Variants in EBF2 observed in about 807,000 individuals in gnomAD.
EBF2 encodes EBF transcription factor 2.
In EBF2, 21 loss-of-function variants were observed where a neutral mutation model predicts 72.8. The ratio of observed to expected loss-of-function variants is 0.29; its 90% confidence interval spans 0.20 to 0.42. The LOEUF is 0.42. Ranked by LOEUF, EBF2 falls within the 10% of genes least tolerant of loss-of-function variation. The pLI is 1.00. For missense variants in EBF2, 637 were observed against 731.2 expected (o/e 0.87, Z 1.49); for synonymous variants, 299 against 274.2 (o/e 1.09, Z -0.89).
intron 6 of EBF2, among the ~76,000 whole-genome samples, chr8:25,975,654 T>A (rs1436763832): frequency 1.3e-5 from 2 of 152,102 alleles, no homozygotes; most frequent in African/African-American, 2.4e-5. Flanking sequence ...ATTCTAAGAG[T>A]CTTTCATCTT....
At chr8:25,960,022 G>A (rs559293108) in intron 6 of EBF2, among the ~76,000 whole-genome samples, 11 of 152,224 alleles carry the variant, frequency 7.2e-5, no homozygotes, top group Admixed American at 3.9e-4. Flanking sequence ...GGTTCTGGTC[G>A]GGTGAACTTT....
intron 6 of EBF2, among the ~76,000 whole-genome samples, chr8:25,961,459 G>T (rs889603241): frequency 4.6e-5 from 7 of 152,094 alleles, no homozygotes; most frequent in Admixed American, 2.6e-4. Flanking sequence ...TGCCTCCCAA[G>T]TTCAAGCAAT....
chr8:26,034,174 C>T (rs1365184077), intron 5 of EBF2, among the ~76,000 whole-genome samples: 1 of 152,206 alleles, frequency 6.6e-6, no homozygotes, highest in Non-Finnish European at 1.5e-5. Context: ...ACTTTATAAA[C>T]ATTTATTCAT....
At chr8:25,939,737 C>G (rs755662098) in intron 6 of EBF2, among the ~76,000 whole-genome samples, 1 of 152,156 alleles carries the variant, frequency 6.6e-6, no homozygotes, top group Admixed American at 6.5e-5. Context: ...TTCTCCTTAT[C>G]TGTGAATCAG....
chr8:26,030,848 T>C (rs1318939133), intron 6 of EBF2, among the ~76,000 whole-genome samples: 2 of 152,232 alleles, frequency 1.3e-5, no homozygotes, highest in African/African-American at 4.8e-5. Flanking sequence ...CTCAGAAGAA[T>C]TTAAAGCATG....
intron 6 of EBF2, among the ~76,000 whole-genome samples, chr8:25,954,350 G>A (rs1452193954): frequency 6.6e-6 from 1 of 152,154 alleles, no homozygotes; most frequent in Non-Finnish European, 1.5e-5. Flanking sequence ...AGTCTGGAGA[G>A]CCACAGGGCA....
At chr8:25,904,665 A>G (rs1046406305) in intron 7 of EBF2, among the ~76,000 whole-genome samples, 25 of 152,174 alleles carry the variant, frequency 1.6e-4, no homozygotes, top group African/African-American at 5.3e-4. Flanking sequence ...GAAAGTCACC[A>G]TCCATTCAGA....
chr8:26,031,589 C>T (rs1448309305), intron 6 of EBF2: 1 of 152,040 alleles, frequency 6.6e-6, no homozygotes, highest in Non-Finnish European at 1.5e-5. Context: ...GCATGTGCCA[C>T]CATGCCTGAC....
intron 6 of EBF2, among the ~76,000 whole-genome samples, chr8:25,947,611 G>A (rs561953515): frequency 1.3e-5 from 2 of 152,248 alleles, no homozygotes; most frequent in South Asian, 2.1e-4. Flanking sequence ...TGATGGTCTG[G>A]CCCCTGCCAG....
Position 26,044,103 on chromosome 8 carries a change from C to T in EBF2, c.131+626G>A, listed in dbSNP as rs1563218138. Among the ~76,000 whole-genome samples, 1 of 152,234 alleles carries T rather than the reference C, an allele frequency of 6.6e-6. No homozygotes were observed. On this transcript the variant is annotated intron_variant, in intron 1 of 15. Coordinates refer to ENST00000520164, the MANE Select transcript of EBF2 (RefSeq NM_022659.4). The surrounding 1 kb of genome is among the most constrained non-coding windows in gnomAD (Gnocchi z 4.1). ...TTTAAATCTCTTCTTTTCTCCAGTT[C>T]CCTAGCTCCGTTCGTCTGGCTCACT... is the stretch of plus-strand genomic sequence containing the variant.
At chr8:25,909,916 T>C (rs79273666) in intron 6 of EBF2, among the ~76,000 whole-genome samples, 8,956 of 152,230 alleles carry the variant, frequency 0.059, 378 homozygotes, top group Non-Finnish European at 0.09. Flanking sequence ...AGCTAAATAT[T>C]TTTTTCATGA....
At chr8:25,903,652 G>T (rs917648454) in intron 7 of EBF2, among the ~76,000 whole-genome samples, 19 of 152,082 alleles carry the variant, frequency 1.2e-4, no homozygotes, top group Non-Finnish European at 2.6e-4. Flanking sequence ...AGCCGAGATC[G>T]CGCCACTGCA....
At chr8:25,888,371 C>T (rs930403695) in intron 8 of EBF2, among the ~76,000 whole-genome samples, 6 of 152,058 alleles carry the variant, frequency 3.9e-5, no homozygotes, top group South Asian at 2.1e-4. Context: ...TGGTTTTCAC[C>T]GAGTCATTAA....
chr8:25,857,878 T>C (rs577538950), intron 14 of EBF2, among the ~76,000 whole-genome samples: 13 of 152,356 alleles, frequency 8.5e-5, no homozygotes, highest in Non-Finnish European at 1.5e-4. Flanking sequence ...CTATTCTAGC[T>C]ATGTGATCTT....
At chr8:25,960,315 C>A (rs74827340) in intron 6 of EBF2, among the ~76,000 whole-genome samples, 2,133 of 152,316 alleles carry the variant, frequency 0.014, 54 homozygotes, top group African/African-American at 0.048. Flanking sequence ...ATTATGCCCT[C>A]AGGGCCAGCG....
At chr8:26,033,687 C>T (rs1165624094) in intron 5 of EBF2, among the ~76,000 whole-genome samples, 2 of 152,126 alleles carry the variant, frequency 1.3e-5, no homozygotes, top group South Asian at 4.1e-4. Flanking sequence ...AGCAAACCAC[C>T]GTGGCACATG....
In EBF2 at chr8:25,908,488, T is replaced by A. The variant is rs766711553; in HGVS notation, c.619A>T (p.Met207Leu). 5 of 1,613,544 alleles carry A rather than the reference T, an allele frequency of 3.1e-6. No homozygotes were observed. The South Asian group carries it at 4.4e-5, about 14-fold the overall frequency. Residue 207 changes from methionine (M) to leucine (L), a missense_variant, in exon 7 of 16, where the codon ATG becomes TTG. Around this residue, in one of 3 missense-constraint regions of EBF2, gnomAD observed 204 missense variants for 301.2 expected, o/e 0.68. Coordinates refer to ENST00000520164, the MANE Select transcript of EBF2 (RefSeq NM_022659.4). ...GGGCCCCTTACCTGAAACCGTCTCA[T>A]GTCCCTTGGGTTTCCTGCTGTTTTC... ...CLKTAGNPRDMRRFQVVLSTT... is the reference protein window; with the variant it reads ...CLKTAGNPRDLRRFQVVLSTT...
chr8:25,974,180 A>T (rs1345222994), intron 6 of EBF2, among the ~76,000 whole-genome samples: 1 of 152,194 alleles, frequency 6.6e-6, no homozygotes, highest in Admixed American at 6.5e-5. Flanking sequence ...GGATGAGCTC[A>T]CTAAGCACCA....
intron 6 of EBF2, among the ~76,000 whole-genome samples, chr8:25,975,468 C>T (rs1202197205): frequency 2.6e-5 from 4 of 152,058 alleles, no homozygotes; most frequent in African/African-American, 9.7e-5. Flanking sequence ...TTAAATAGTG[C>T]GACAGGATTA....
Sources: gnomAD v4.1 joint callset for allele counts (sites outside exome capture counted in the v4.1 genomes callset) on GRCh38, gnomAD v4.1.1 for gene constraint, gnomAD v4.1.1 regional missense constraint, Gnocchi (gnomAD v3.1) non-coding constraint, MANE v1.5 for transcripts, NCBI Gene and HGNC (gene_info 2026-07-23, HGNC 2026-07-21) for gene names.